ASIC2: variants seen among roughly 807,000 people sequenced by gnomAD.
The protein encoded by ASIC2 is acid sensing ion channel subunit 2.
ASIC2 carries 25 observed loss-of-function variants against 57.3 expected under a neutral mutation model. The observed-to-expected ratio is 0.44, with a 90% CI of 0.32 to 0.61. The LOEUF (loss-of-function observed/expected upper bound fraction) is 0.61. Ranked by LOEUF, ASIC2 falls within the 20% of genes least tolerant of loss-of-function variation. ASIC2 has a pLI of 0.06. For missense variants in ASIC2, 641 were observed against 738.1 expected (o/e 0.87, Z 1.52); for synonymous variants, 319 against 307.5 (o/e 1.04, Z -0.39).
intron 1 of ASIC2, chr17:33,581,578 A>C (rs1904441772): frequency 6.6e-6 from 1 of 152,118 alleles, no homozygotes; most frequent in African/African-American, 2.4e-5. Flanking sequence ...TATTAAAGTG[A>C]AAAAGGACCC....
intron 1 of ASIC2, among the ~76,000 whole-genome samples, chr17:33,800,959 A>G (rs1350534440): frequency 6.6e-6 from 1 of 152,182 alleles, no homozygotes; most frequent in Non-Finnish European, 1.5e-5. Context: ...ATGCTGTGCT[A>G]CCTCTCAAAG....
chr17:33,447,696 G>C (rs141540940), intron 1 of ASIC2, among the ~76,000 whole-genome samples: 68 of 152,272 alleles, frequency 4.5e-4, no homozygotes, highest in African/African-American at 1.6e-3. Context: ...AAAGAGGTTA[G>C]GGAGTCAGTT....
chr17:34,086,562 G>A (rs1910119622), intron 1 of ASIC2, among the ~76,000 whole-genome samples: 1 of 152,118 alleles, frequency 6.6e-6, no homozygotes, highest in Admixed American at 6.5e-5. Flanking sequence ...GGTCCGCTTG[G>A]TGCAGAGCTG....
intron 1 of ASIC2, among the ~76,000 whole-genome samples, chr17:33,208,112 C>A (rs1313122351): frequency 6.6e-6 from 1 of 152,148 alleles, no homozygotes; most frequent in Non-Finnish European, 1.5e-5. Context: ...ATCCCCTGAC[C>A]CCCTGACTGG....
rs747686761 is a variant in ASIC2 at position 33,129,884 on chromosome 17, C to T, written c.709-17817G>A. 9.8e-5 allele frequency among the ~76,000 whole-genome samples: 15 copies of T among 152,304 alleles called. 1 individual carries two copies. Among genetic ancestry groups the T allele is most frequent in the Non-Finnish European group, 2.1e-4 (14 of 68,026 alleles). ...GTGTTAAGTGAAAATGCTATGTAAA[C>T]TGCATGCTGTTTGCAAATGGTCGTG... On this transcript the variant is annotated intron_variant, in intron 1 of 9. Coordinates refer to ENST00000225823, the MANE Select transcript of ASIC2 (RefSeq NM_183377.2).
At chr17:33,955,132 C>T (rs1904694582) in intron 1 of ASIC2, 2 of 152,134 alleles carry the variant, frequency 1.3e-5, no homozygotes, top group South Asian at 2.1e-4. Context: ...GATGACTTGA[C>T]CAATAAGTCA....
At chr17:33,521,536 T>C (rs1914741358) in intron 1 of ASIC2, among the ~76,000 whole-genome samples, 2 of 152,048 alleles carry the variant, frequency 1.3e-5, no homozygotes, top group East Asian at 3.9e-4. Flanking sequence ...TCCCAGTGGG[T>C]ACACAGAGCA....
intron 1 of ASIC2, among the ~76,000 whole-genome samples, chr17:33,570,946 C>T (rs185888961): frequency 6.6e-6 from 1 of 152,298 alleles, no homozygotes; most frequent in East Asian, 1.9e-4. Context: ...ATCTCTTTCA[C>T]CACATTGTTG....
chr17:33,299,717 T>C (rs2346688), intron 1 of ASIC2, among the ~76,000 whole-genome samples: 85,462 of 151,866 alleles, frequency 0.56, 24,483 homozygotes, highest in East Asian at 0.77. Context: ...GAAGGGGCCA[T>C]GACCACCAAA....
intron 1 of ASIC2, among the ~76,000 whole-genome samples, chr17:33,137,636 T>A (rs538863381): frequency 6.6e-6 from 1 of 152,218 alleles, no homozygotes; most frequent in Non-Finnish European, 1.5e-5. Context: ...TCTTGGAGTG[T>A]TGCCATCCCA....
chr17:33,989,148 T>A (rs1330127153), intron 1 of ASIC2, among the ~76,000 whole-genome samples: 1 of 152,050 alleles, frequency 6.6e-6, no homozygotes, highest in Non-Finnish European at 1.5e-5. Context: ...TAGTGAGACA[T>A]GATGTTAAAC....
chr17:33,269,751 T>TTCCTTCCTTCCTTCCTTCCTTCC (rs1904404897), intron 1 of ASIC2, among the ~76,000 whole-genome samples: 56 of 103,028 alleles, frequency 5.4e-4, no homozygotes, highest in African/African-American at 1.7e-3. Context: ...TCCTTCCTTC[T>TTCCTTCCTTCCTTCCTTCCTTCC]TTCCTTCCTT....
intron 1 of ASIC2, among the ~76,000 whole-genome samples, chr17:33,166,718 C>T (rs1905318718): frequency 6.6e-6 from 1 of 152,218 alleles, no homozygotes; most frequent in Admixed American, 6.5e-5. Flanking sequence ...AGACCACAGG[C>T]AGAGCCCAGA....
At chr17:33,643,267 A>C (rs1466626212) in intron 1 of ASIC2, among the ~76,000 whole-genome samples, 2 of 152,120 alleles carry the variant, frequency 1.3e-5, no homozygotes, top group Non-Finnish European at 2.9e-5. Context: ...TGCATCTTCC[A>C]ATAAATGATG....
intron 1 of ASIC2, among the ~76,000 whole-genome samples, chr17:33,203,432 A>ACGTC (rs1189907794): frequency 8.5e-5 from 13 of 152,098 alleles, no homozygotes; most frequent in Admixed American, 4.6e-4. Flanking sequence ...AAGAAACTGG[A>ACGTC]CCTCTGTAGA....
At chr17:33,326,889 T>A (rs965853999) in intron 1 of ASIC2, among the ~76,000 whole-genome samples, 1 of 137,470 alleles carries the variant, frequency 7.3e-6, no homozygotes, top group Non-Finnish European at 1.6e-5. Flanking sequence ...TCCCATTCCC[T>A]TCTTCCAGAC....
chr17:33,543,995 C>A (rs1915502306), intron 1 of ASIC2, among the ~76,000 whole-genome samples: 1 of 152,200 alleles, frequency 6.6e-6, no homozygotes, highest in South Asian at 2.1e-4. Context: ...CTTTCCCTAA[C>A]CCAGGAATTC....
At chr17:33,374,605 G>T (rs1291521293) in intron 1 of ASIC2, among the ~76,000 whole-genome samples, 1 of 152,230 alleles carries the variant, frequency 6.6e-6, no homozygotes, top group Non-Finnish European at 1.5e-5. Flanking sequence ...CTGCAATGCT[G>T]TGGTCTCAGT....
At chr17:33,680,467 G>C (rs925741801) in intron 1 of ASIC2, 6 of 152,346 alleles carry the variant, frequency 3.9e-5, no homozygotes, top group South Asian at 4.1e-4. Context: ...GGAGCAGAGG[G>C]CAGCCACTGG....
Sources: allele counts gnomAD v4.1 joint callset (sites outside exome capture counted in the v4.1 genomes callset), GRCh38; gene constraint gnomAD v4.1.1; transcripts MANE v1.5; gene names NCBI Gene and HGNC (gene_info 2026-07-23, HGNC 2026-07-21).